KIF1B: variants seen among roughly 807,000 people sequenced by gnomAD.
KIF1B encodes the protein kinesin-like protein KIF1B.
A neutral mutation model predicts 241.9 loss-of-function variants in KIF1B; 76 were observed. The observed-to-expected ratio is 0.31, with a 90% CI of 0.26 to 0.38. The LOEUF is 0.38. KIF1B is among the 10% of genes least tolerant of loss of function. The pLI is 1.00. For missense variants in KIF1B, 1,622 were observed against 2,271.4 expected (o/e 0.71, Z 5.81); for synonymous variants, 750 against 796.7 (o/e 0.94, Z 0.99).
In KIF1B at chr1:10,304,831, T is replaced by C. The variant is rs1171652418; in HGVS notation, c.2115+7585T>C. The C allele has an allele frequency of 3.5e-6, 5 of 1,437,342 alleles. No individual in the cohort carries two copies. The Admixed American group carries it at 1.4e-4, about 40-fold the overall frequency. 89.0% of individuals were successfully genotyped at this position (1,437,342 alleles called of 1,614,324 possible). A position where few individuals can be genotyped will look rare whatever the true frequency, so the allele number is the denominator to read the frequency against. Reference sequence around the variant, plus strand: ...ACACCTCCCTTTTGCTTGTATACCATAAATGGGCAGTTTCTGAAATTTTGG... The same window carrying C: ...ACACCTCCCTTTTGCTTGTATACCACAAATGGGCAGTTTCTGAAATTTTGG... On this transcript the variant is annotated intron_variant, in intron 22 of 48. Transcript: ENST00000676179.
intron 23 of KIF1B, 131 bp from the exon 24 acceptor site, chr1:10,321,578 G>T: frequency 1.1e-6 from 1 of 932,342 alleles, no homozygotes; most frequent in South Asian, 1.4e-5. Flanking sequence ...TTACTAAAAA[G>T]AAACAAAAGC....
chr1:10,371,229 T>C lies in KIF1B; in HGVS notation c.4913T>C (p.Leu1638Pro), dbSNP rs1369474017. 6.2e-7 allele frequency: 1 copy of C among 1,614,150 alleles called. No homozygotes were observed. Among genetic ancestry groups the C allele is most frequent in the Admixed American group, 1.7e-5 (1 of 60,008 alleles). The change falls in exon 45 of 49, where the codon CTG (leucine) becomes CCG (proline). Residue 1638 changes from leucine to proline, a missense_variant. Leu to Pro is a moderately conservative substitution (Grantham distance 98). Coordinates refer to ENST00000676179, the MANE Select transcript of KIF1B (RefSeq NM_001365951.3). ...ACTCCCTCCTCCACCTGTCCCTCTC[T>C]GGTAGACTCTAGGAGCAACTCTCTG... ...TLTPSSTCPSLVDSRSNSLDQ... is the reference protein window; with the variant it reads ...TLTPSSTCPSPVDSRSNSLDQ...
chr1:10,356,676 C>T (rs1360829711), intron 38 of KIF1B, among the ~76,000 whole-genome samples: 4 of 151,666 alleles, frequency 2.6e-5, no homozygotes, highest in African/African-American at 7.3e-5. Context: ...CCGAGGCGGG[C>T]GGATCATGAG....
At chr1:10,288,377 G>T (rs1022819194) in intron 15 of KIF1B, among the ~76,000 whole-genome samples, 1 of 152,172 alleles carries the variant, frequency 6.6e-6, no homozygotes, top group Non-Finnish European at 1.5e-5. Context: ...TGGCCCTCTA[G>T]TATGACACTT....
Position 10,296,050 on chromosome 1 carries a change from TAGC to T in KIF1B, c.1777+287_1777+289del, listed in dbSNP as rs536598681. ...ATTATTTAATAGAAAAGTAAGAAAATAGCAGATATCCTGGGTAATAGGAGATTT... is the reference window on the plus strand; with the variant it reads ...ATTATTTAATAGAAAAGTAAGAAAATAGATATCCTGGGTAATAGGAGATTT... On this transcript the variant is annotated intron_variant, in intron 19 of 48. Transcript: ENST00000676179. Among the ~76,000 whole-genome samples, 241 of 152,276 alleles carry T rather than the reference TAGC, an allele frequency of 1.6e-3. 1 individual carries two copies. Among genetic ancestry groups the T allele is most frequent in the Admixed American group, 2.5e-3 (38 of 15,302 alleles).
In KIF1B at chr1:10,272,285, C is replaced by A; in HGVS notation, c.843C>A (p.Val281=). ...AGTCTCTTACAACTTTGGGCAAAGT[C>A]ATTTCAGCCTTGGCCGAGGTGGTAA... ...INKSLTTLGK[V]ISALAEVDNC... The change falls in exon 9 of 49, where the codon GTC becomes GTA. Residue 281 remains valine, a synonymous_variant. Transcript: ENST00000676179. The A allele has an allele frequency of 1.2e-6, 2 of 1,607,734 alleles. No homozygotes were observed. Among genetic ancestry groups the A allele is most frequent in the South Asian group, 1.1e-5 (1 of 90,884 alleles).
At chr1:10,371,045 T>A in intron 44 of KIF1B, 96 bp from the exon 45 acceptor site, 1 of 1,421,484 alleles carries the variant, frequency 7.0e-7, no homozygotes, top group Admixed American at 1.7e-5. Flanking sequence ...ACAAGATGTA[T>A]CAAAGTGAGG....
chr1:10,268,291 A>T, intron 7 of KIF1B, 28 bp downstream of exon 7: 1 of 1,425,886 alleles, frequency 7.0e-7, no homozygotes, highest in South Asian at 1.1e-5. Context: ...TCTAGGCTTG[A>T]GTTGTGAAGG....
intron 9 of KIF1B, 47 bp from the exon 10 acceptor site, chr1:10,272,967 G>A: frequency 1.3e-6 from 2 of 1,492,774 alleles, no homozygotes; most frequent in Non-Finnish European, 1.8e-6. Flanking sequence ...CTACTTGGAG[G>A]CTTATCCTGT....
At chr1:10,274,955 T>G (rs1246114826) in intron 10 of KIF1B, 1 of 387,782 alleles carries the variant, frequency 2.6e-6, no homozygotes, top group Admixed American at 3.8e-5. Context: ...GGATATTAGG[T>G]AATAGTATTG....
Position 10,365,693 on chromosome 1 carries a change from C to T in KIF1B, c.4752+45C>T. The stretch of plus-strand genomic sequence containing the variant: ...TGCTGAACGTCTTCCCACAAGGCTC[C>T]ACAAACTAGCCTCTCGGTTTATTCA... On this transcript the variant is annotated intron_variant, in intron 43 of 48. Coordinates refer to ENST00000676179, the MANE Select transcript of KIF1B (RefSeq NM_001365951.3). The surrounding 1 kb of genome is among the most constrained non-coding windows in gnomAD (Gnocchi z 4.0). 6.2e-7 allele frequency: 1 copy of T among 1,612,328 alleles called. No individual in the cohort carries two copies. Among genetic ancestry groups the T allele is most frequent in the South Asian group, 1.1e-5 (1 of 91,028 alleles).
At chr1:10,290,944 T>C in intron 15 of KIF1B, 138 bp from the exon 16 acceptor site, 1 of 658,718 alleles carries the variant, frequency 1.5e-6, no homozygotes, top group Non-Finnish European at 2.7e-6. Context: ...TTATCTTATG[T>C]ATTAATAAAA....
At position 10,282,377 on chromosome 1, in the gene KIF1B, A is replaced by G. The variant is rs773748958; in HGVS notation, c.1278A>G (p.Gln426=). The change falls in exon 15 of 49, where the codon CAA becomes CAG. Residue 426 remains glutamine (Q), a synonymous_variant. Transcript: ENST00000676179. ...KHRYLLASEN[Q]RPGHFSTASM... ...GATACTTGCTAGCCTCTGAGAATCAACGCCCTGGCCATTTTTCCACAGCAT... is the reference window on the plus strand; with the variant it reads ...GATACTTGCTAGCCTCTGAGAATCAGCGCCCTGGCCATTTTTCCACAGCAT... The G allele has an allele frequency of 6.2e-7, 1 of 1,614,180 alleles. No individual in the cohort carries two copies. The highest frequency in any genetic ancestry group is 8.5e-7 in the Non-Finnish European group (1 of 1,180,030).
intron 45 of KIF1B, among the ~76,000 whole-genome samples, chr1:10,371,515 T>G (rs1638733549): frequency 6.6e-6 from 1 of 152,228 alleles, no homozygotes; most frequent in Non-Finnish European, 1.5e-5. Flanking sequence ...TTCTGCTAGT[T>G]TTATCCTCCA....
At chr1:10,333,242 A>G (rs1652024770) in intron 27 of KIF1B, among the ~76,000 whole-genome samples, 1 of 148,694 alleles carries the variant, frequency 6.7e-6, no homozygotes, top group South Asian at 2.1e-4. Flanking sequence ...CCTGACCAAC[A>G]GGGAGAAACC....
intron 32 of KIF1B, among the ~76,000 whole-genome samples, chr1:10,340,402 T>G (rs1304873196): frequency 6.6e-6 from 1 of 152,208 alleles, no homozygotes; most frequent in Non-Finnish European, 1.5e-5. Context: ...CCAAAGTCAT[T>G]ATCCTCATCA....
In KIF1B at chr1:10,365,418, A is replaced by G. The variant is rs78662124; in HGVS notation, c.4522A>G (p.Thr1508Ala). Residue 1508 changes from threonine to alanine, a missense_variant, in exon 43 of 49, where the codon ACC becomes GCC. Coordinates refer to ENST00000676179, the MANE Select transcript of KIF1B (RefSeq NM_001365951.3). This position sits in a 1 kb window ranked among gnomAD's most constrained non-coding sequence, Gnocchi z 4.0. ...KLELLHEVEKTRHFLLLRERL... is the reference protein window; with the variant it reads ...KLELLHEVEKARHFLLLRERL... ...GTATTGATCTTCTCAGGTGGAAAAA[A>G]CCCGCCACTTTTTGCTGCTGCGTGA... 41 of 1,584,718 alleles carry G rather than the reference A, an allele frequency of 2.6e-5. No homozygotes were observed. In the Admixed American group the frequency reaches 3.9e-4, roughly 15 times the overall value.
rs1319873213 is a variant in KIF1B at position 10,271,522 on chromosome 1, G to A, written c.741G>A (p.Val247=). 13 of 1,613,656 alleles carry A rather than the reference G, an allele frequency of 8.1e-6. No homozygotes were observed. The highest frequency in any genetic ancestry group is 1.3e-5 in the African/African-American group (1 of 74,894). ...ATCAGGTCAGTAAAATCAGCTTGGT[G>A]GATCTAGCAGGAAGTGAACGAGCTG... ...STEKVSKISL[V]DLAGSERADS... The change falls in exon 8 of 49, where the codon GTG becomes GTA. Residue 247 remains valine (V), a synonymous_variant. Transcript: ENST00000676179.
chr1:10,335,059 C>A (rs745654757), intron 28 of KIF1B, among the ~76,000 whole-genome samples: 3 of 151,886 alleles, frequency 2.0e-5, no homozygotes, highest in Non-Finnish European at 4.4e-5. Context: ...ACCTCAGCCA[C>A]CTGAATAGCT....
Sources: gnomAD v4.1 joint callset for allele counts (sites outside exome capture counted in the v4.1 genomes callset) on GRCh38, gnomAD v4.1.1 for gene constraint, Gnocchi (gnomAD v3.1) non-coding constraint, MANE v1.5 for transcripts, NCBI Gene and HGNC (gene_info 2026-07-23, HGNC 2026-07-21) for gene names.